The following MRAP2 variants were observed in gnomAD, a reference collection of about 807,000 sequenced individuals.
The protein encoded by MRAP2 is melanocortin 2 receptor accessory protein 2, also known as melanocortin-2 receptor accessory protein 2.
MRAP2 carries 20 observed loss-of-function variants against 17.4 expected under a neutral mutation model. The ratio of observed to expected loss-of-function variants is 1.15; its 90% CI spans 0.81 to 1.67. The LOEUF (loss-of-function observed/expected upper bound fraction) is 1.67. MRAP2 is among the 40% of genes most tolerant of loss of function. The pLI is 0.00. For synonymous variants in MRAP2, 96 were observed against 88.4 expected (o/e 1.09, Z -0.48); for missense variants, 238 against 240.0 (o/e 0.99, Z 0.05).
chr6:84,053,136 G>A (rs2099490862), intron 1 of MRAP2, among the ~76,000 whole-genome samples: 1 of 152,182 alleles, frequency 6.6e-6, no homozygotes, highest in Non-Finnish European at 1.5e-5. Context: ...GTGGCCGTGG[G>A]AGAACAGCTC....
chr6:84,100,041 G>A, the MRAP2 span, among the ~76,000 whole-genome samples: 2 of 151,958 alleles, frequency 1.3e-5, no homozygotes, highest in South Asian at 2.1e-4. Flanking sequence ...TACATTTTTA[G>A]TAGGGATGGG....
the MRAP2 span, among the ~76,000 whole-genome samples, chr6:84,105,129 G>A: frequency 2.0e-5 from 3 of 152,070 alleles, no homozygotes; most frequent in African/African-American, 4.8e-5. Flanking sequence ...ACATTTTCCT[G>A]TCTTCTTCTG....
chr6:84,095,930 G>C, the MRAP2 span, among the ~76,000 whole-genome samples: 1 of 152,142 alleles, frequency 6.6e-6, no homozygotes, highest in African/African-American at 2.4e-5. Flanking sequence ...AACAATCCTT[G>C]GGAAGTTCAT....
chr6:84,115,985 G>A, the MRAP2 span, among the ~76,000 whole-genome samples: 146 of 152,282 alleles, frequency 9.6e-4, 6 homozygotes, highest in South Asian at 0.029. Context: ...CTTCTGCATC[G>A]ATCTTGCTGG....
At chr6:84,140,614 C>A in the MRAP2 span, among the ~76,000 whole-genome samples, 13 of 152,228 alleles carry the variant, frequency 8.5e-5, no homozygotes, top group Non-Finnish European at 1.9e-4. Flanking sequence ...AAGCCTTGAA[C>A]TCCTGGGCTT....
chr6:84,134,835 ATAAT>A, the MRAP2 span, among the ~76,000 whole-genome samples: 4 of 151,806 alleles, frequency 2.6e-5, no homozygotes, highest in Admixed American at 2.6e-4. Context: ...CTTTTGATAA[ATAAT>A]TATATTATAA....
chr6:84,064,726 A>G (rs1181036712), intron 3 of MRAP2, among the ~76,000 whole-genome samples: 1 of 152,072 alleles, frequency 6.6e-6, no homozygotes, highest in Non-Finnish European at 1.5e-5. Flanking sequence ...TGACTTCGTG[A>G]TCCGCCCGCC....
At chr6:84,108,614 T>C in the MRAP2 span, among the ~76,000 whole-genome samples, 1 of 152,154 alleles carries the variant, frequency 6.6e-6, no homozygotes, top group Admixed American at 6.6e-5. Flanking sequence ...AAAAATCTTC[T>C]CCCATTCCAT....
intron 1 of MRAP2, among the ~76,000 whole-genome samples, chr6:84,053,808 G>A (rs1362462235): frequency 6.6e-6 from 1 of 152,184 alleles, no homozygotes; most frequent in Non-Finnish European, 1.5e-5. Flanking sequence ...CTAGAGCAGG[G>A]ATTGGCAAAC....
intron 1 of MRAP2, among the ~76,000 whole-genome samples, chr6:84,041,434 C>G (rs1032606672): frequency 6.6e-6 from 1 of 152,230 alleles, no homozygotes; most frequent in Non-Finnish European, 1.5e-5. Flanking sequence ...TAGTGGAGTT[C>G]TGAGAAGAGG....
chr6:84,062,158 A>T, intron 2 of MRAP2: 5 of 954,522 alleles, frequency 5.2e-6, no homozygotes, highest in Non-Finnish European at 6.2e-6. Flanking sequence ...CATTATTTGC[A>T]TACTTGCATT....
the MRAP2 span, among the ~76,000 whole-genome samples, chr6:84,097,293 T>C: frequency 6.6e-6 from 1 of 152,192 alleles, no homozygotes; most frequent in South Asian, 2.1e-4. Context: ...CCTGAATAGA[T>C]ACGAGCCCAC....
the MRAP2 span, among the ~76,000 whole-genome samples, chr6:84,110,509 A>C: frequency 3.1e-4 from 47 of 152,088 alleles, no homozygotes; most frequent in Non-Finnish European, 5.9e-4. Context: ...TAGATTGCAA[A>C]GATTTTCTAC....
At chr6:84,033,271 A>T (rs59003342), upstream of MRAP2, among the ~76,000 whole-genome samples, 448 of 152,262 alleles carry the variant, frequency 2.9e-3, 1 homozygote, top group African/African-American at 0.01. Context: ...CTATGCTGAA[A>T]CTACTCCCGG....
chr6:84,050,884 T>C (rs1235468389), intron 1 of MRAP2, among the ~76,000 whole-genome samples: 1 of 152,218 alleles, frequency 6.6e-6, no homozygotes, highest in African/African-American at 2.4e-5. Context: ...TACAAACTGG[T>C]CAGCATAGGT....
At chr6:84,128,349 C>T in the MRAP2 span, among the ~76,000 whole-genome samples, 1 of 151,238 alleles carries the variant, frequency 6.6e-6, no homozygotes, top group Non-Finnish European at 1.5e-5. Flanking sequence ...CTAGAGATAA[C>T]TGAATACTTA....
At chr6:84,050,537 G>C (rs940890773) in intron 1 of MRAP2, among the ~76,000 whole-genome samples, 2 of 152,304 alleles carry the variant, frequency 1.3e-5, no homozygotes, top group East Asian at 3.9e-4. Flanking sequence ...CTAAAGTTGC[G>C]ATTCTGAAGT....
At chr6:84,088,542 G>A (rs764012758) in intron 3 of MRAP2, among the ~76,000 whole-genome samples, 1 of 152,160 alleles carries the variant, frequency 6.6e-6, no homozygotes, top group East Asian at 1.9e-4. Flanking sequence ...CTAACTGACT[G>A]TATTGGTTAC....
intron 1 of MRAP2, among the ~76,000 whole-genome samples, chr6:84,053,508 C>G (rs1162278616): frequency 6.6e-6 from 1 of 152,014 alleles, no homozygotes; most frequent in Non-Finnish European, 1.5e-5. Flanking sequence ...AGTTGTAATC[C>G]CAACACTCTG....
Sources: gnomAD v4.1 joint callset for allele counts (sites outside exome capture counted in the v4.1 genomes callset) on GRCh38, gnomAD v4.1.1 for gene constraint, MANE v1.5 for transcripts, NCBI Gene and HGNC (gene_info 2026-07-23, HGNC 2026-07-21) for gene names.